The following ROBO1 variants were observed in gnomAD, a reference collection of about 807,000 sequenced individuals.
The protein encoded by ROBO1 is roundabout homolog 1.
ROBO1 carries 149 observed loss-of-function variants against 195.9 expected under a neutral mutation model. The ratio of observed to expected loss-of-function variants is 0.76; its 90% CI spans 0.67 to 0.87. The LOEUF (loss-of-function observed/expected upper bound fraction) is 0.87, where lower values mean the gene tolerates loss of function less well. ROBO1 is among the 40% of genes least tolerant of loss of function. ROBO1 has a pLI of 0.00. For missense variants in ROBO1, 1,933 were observed against 2,068.3 expected, an observed-to-expected ratio of 0.93 and a Z score of 1.27; for synonymous variants, 816 against 733.2, an observed-to-expected ratio of 1.11 and a Z score of -1.82.
intron 2 of ROBO1, among the ~76,000 whole-genome samples, chr3:79,584,245 G>T (rs1943746762): frequency 8.9e-6 from 1 of 112,124 alleles, no homozygotes; most frequent in African/African-American, 3.8e-5. Context: ...TGTTACATAG[G>T]TACATGTAAT....
intron 2 of ROBO1, among the ~76,000 whole-genome samples, chr3:79,262,873 CTT>C (rs1258609782): frequency 6.9e-6 from 1 of 145,674 alleles, no homozygotes; most frequent in Non-Finnish European, 1.5e-5. Flanking sequence ...CCTGATAGCT[CTT>C]GAGTCTTCCA....
At chr3:79,228,207 A>C (rs1431094439) in intron 2 of ROBO1, among the ~76,000 whole-genome samples, 1 of 152,194 alleles carries the variant, frequency 6.6e-6, no homozygotes, top group South Asian at 2.1e-4. Flanking sequence ...AAAAGAAGAC[A>C]AAAGATGTAG....
At chr3:78,680,852 T>TA (rs2080884655) in intron 10 of ROBO1, among the ~76,000 whole-genome samples, 1 of 149,770 alleles carries the variant, frequency 6.7e-6, no homozygotes, top group Admixed American at 6.6e-5. Context: ...CAAAGGACTA[T>TA]AAATCATGCT....
chr3:79,252,999 T>A (rs1192009565), intron 2 of ROBO1, among the ~76,000 whole-genome samples: 1 of 152,184 alleles, frequency 6.6e-6, no homozygotes, highest in African/African-American at 2.4e-5. Flanking sequence ...ACCTAACTTA[T>A]GTTAGGGCAC....
intron 4 of ROBO1, among the ~76,000 whole-genome samples, chr3:78,841,757 ATG>A (rs2033220879): frequency 6.6e-6 from 1 of 152,174 alleles, no homozygotes; most frequent in Non-Finnish European, 1.5e-5. Flanking sequence ...TCCCTAATAT[ATG>A]AAGAACTCAT....
At chr3:79,176,509 G>T (rs763634157) in intron 2 of ROBO1, among the ~76,000 whole-genome samples, 1 of 152,080 alleles carries the variant, frequency 6.6e-6, no homozygotes, top group Non-Finnish European at 1.5e-5. Flanking sequence ...CCAGGCTGGG[G>T]TGCAGTGGCA....
intron 1 of ROBO1, among the ~76,000 whole-genome samples, chr3:79,654,996 AT>A (rs1172918128): frequency 6.6e-6 from 1 of 151,964 alleles, no homozygotes; most frequent in Non-Finnish European, 1.5e-5. Flanking sequence ...TGGGATTGGT[AT>A]TTAGCTTGTT....
chr3:79,604,125 T>C (rs35800188), intron 1 of ROBO1, among the ~76,000 whole-genome samples: 28,910 of 151,940 alleles, frequency 0.19, 3,166 homozygotes, highest in African/African-American at 0.3. Flanking sequence ...CTATGCACTA[T>C]TTCTATATGC....
intron 3 of ROBO1, among the ~76,000 whole-genome samples, chr3:79,004,452 T>A (rs2077575426): frequency 6.6e-6 from 1 of 152,122 alleles, no homozygotes; most frequent in Non-Finnish European, 1.5e-5. Flanking sequence ...CAGACTCTCG[T>A]AGTTTGAAAG....
chr3:79,050,295 CAAAG>C (rs1424954268), intron 3 of ROBO1, among the ~76,000 whole-genome samples: 2 of 152,030 alleles, frequency 1.3e-5, no homozygotes, highest in African/African-American at 2.4e-5. Context: ...TCAAAAGAGA[CAAAG>C]AAGGCCATTA....
intron 18 of ROBO1, among the ~76,000 whole-genome samples, chr3:78,654,062 A>C (rs1321891611): frequency 6.6e-6 from 1 of 152,222 alleles, no homozygotes; most frequent in African/African-American, 2.4e-5. Flanking sequence ...TTTTTTCCAT[A>C]AAGATAATTG....
At chr3:78,841,713 G>C (rs1186088698) in intron 4 of ROBO1, among the ~76,000 whole-genome samples, 1 of 151,966 alleles carries the variant, frequency 6.6e-6, no homozygotes, top group Non-Finnish European at 1.5e-5. Context: ...ATGAGAAACA[G>C]AAAATATTTG....
At chr3:79,334,612 G>A (rs756066299) in intron 2 of ROBO1, among the ~76,000 whole-genome samples, 22 of 151,926 alleles carry the variant, frequency 1.4e-4, no homozygotes, top group Admixed American at 2.6e-4. Context: ...GTTTATAGAC[G>A]TCACTAATCT....
chr3:78,925,213 T>G (rs2039143419), intron 4 of ROBO1, among the ~76,000 whole-genome samples: 2 of 152,292 alleles, frequency 1.3e-5, no homozygotes, highest in South Asian at 4.1e-4. Context: ...TATTCCCCTT[T>G]AAATACCTAT....
At chr3:79,432,202 A>G (rs1361570546) in intron 2 of ROBO1, among the ~76,000 whole-genome samples, 2 of 152,108 alleles carry the variant, frequency 1.3e-5, no homozygotes, top group Non-Finnish European at 2.9e-5. Flanking sequence ...CTTCAGCAAA[A>G]CAGGCATCTC....
At chr3:78,711,978 T>G (rs1175070729) in intron 8 of ROBO1, among the ~76,000 whole-genome samples, 1 of 112,206 alleles carries the variant, frequency 8.9e-6, no homozygotes, top group Non-Finnish European at 1.8e-5. Context: ...ACATAAAGTC[T>G]AGAAAACAGC....
At position 78,883,671 on chromosome 3, in the gene ROBO1, A is replaced by G. The variant is rs578066555; in HGVS notation, c.499+54930T>C. On this transcript the variant is annotated intron_variant, in intron 4 of 30. Transcript: ENST00000464233. Reference sequence around the variant, plus strand: ...TACAGTGCCCTGCTAAACATATGATATTTAAATTATGTACTATTCTACTAT... The same window carrying G: ...TACAGTGCCCTGCTAAACATATGATGTTTAAATTATGTACTATTCTACTAT... 2.5e-4 allele frequency among the ~76,000 whole-genome samples: 38 copies of G among 152,296 alleles called. No individual in the cohort carries two copies. In the South Asian group the frequency reaches 7.9e-3, roughly 32 times the overall value.
intron 2 of ROBO1, among the ~76,000 whole-genome samples, chr3:79,163,775 C>T (rs575363045): frequency 6.6e-6 from 1 of 152,088 alleles, no homozygotes; most frequent in African/African-American, 2.4e-5. Context: ...CATCTTGAAA[C>T]AAAGAAAAGG....
chr3:78,605,593 G>A (rs906457667), intron 29 of ROBO1, among the ~76,000 whole-genome samples: 3 of 152,100 alleles, frequency 2.0e-5, no homozygotes, highest in African/African-American at 4.8e-5. Flanking sequence ...TCTGTGTTGT[G>A]GGTTCTAAAA....
Sources: gnomAD v4.1 joint callset for allele counts (sites outside exome capture counted in the v4.1 genomes callset) on GRCh38, gnomAD v4.1.1 for gene constraint, MANE v1.5 for transcripts, NCBI Gene and HGNC (gene_info 2026-07-23, HGNC 2026-07-21) for gene names.